RIMS2: variants seen among roughly 807,000 people sequenced by gnomAD.
RIMS2 encodes regulating synaptic membrane exocytosis 2.
Under a neutral mutation model 174.4 loss-of-function variants are expected in RIMS2, and 59 were observed. That is an observed-to-expected ratio of 0.34 (90% CI 0.27 to 0.42). The LOEUF is 0.42. RIMS2 is among the 10% of genes least tolerant of loss of function. RIMS2 has a pLI of 1.00. For synonymous variants in RIMS2, 606 were observed against 572.5 expected, an observed-to-expected ratio of 1.06 and a Z score of -0.84; for missense variants, 1,620 against 1,666.3, an observed-to-expected ratio of 0.97 and a Z score of 0.48.
At chr8:103,887,817 AG>A (rs1182540939) in intron 4 of RIMS2, among the ~76,000 whole-genome samples, 2 of 151,622 alleles carry the variant, frequency 1.3e-5, no homozygotes, top group Non-Finnish European at 3.0e-5. Context: ...ACAAGAAATG[AG>A]GGGCCCACAG....
Position 104,185,589 on chromosome 8 carries a change from T to C in RIMS2, c.3335-59327T>C, listed in dbSNP as rs575376532. On this transcript the variant is annotated intron_variant, in intron 19 of 23. Transcript: ENST00000504942. The stretch of plus-strand genomic sequence containing the variant: ...AGTGAGCAAAGGACATGAATACACA[T>C]TTTACAAAAGAAGACATACAAATGG... Among the ~76,000 whole-genome samples the C allele has an allele frequency of 3.3e-5, 5 of 151,724 alleles. No individual in the cohort carries two copies. The South Asian group carries it at 8.3e-4, about 25-fold the overall frequency.
At chr8:103,653,316 T>C (rs2096483787) in intron 1 of RIMS2, among the ~76,000 whole-genome samples, 1 of 152,220 alleles carries the variant, frequency 6.6e-6, no homozygotes, top group Non-Finnish European at 1.5e-5. Flanking sequence ...TTTTTGTTAT[T>C]AGATTTAAAA....
chr8:103,828,445 GT>G (rs2098805150), intron 3 of RIMS2, among the ~76,000 whole-genome samples: 1 of 152,100 alleles, frequency 6.6e-6, no homozygotes, highest in African/African-American at 2.4e-5. Context: ...GTTTTTGCTT[GT>G]TAATTTGTTT....
chr8:103,552,648 G>A (rs891726410), intron 1 of RIMS2, among the ~76,000 whole-genome samples: 9 of 151,452 alleles, frequency 5.9e-5, no homozygotes, highest in Admixed American at 2.0e-4. Flanking sequence ...ACACTACAGA[G>A]TGAACAGGCA....
In RIMS2 at chr8:103,728,748, C is replaced by CTTTTTTTTTTTT. The variant is rs71575982; in HGVS notation, c.387+31460_387+31471dup. Among the ~76,000 whole-genome samples the CTTTTTTTTTTTT allele has an allele frequency of 2.3e-3, 213 of 92,484 alleles. 1 individual carries two copies. Among genetic ancestry groups the CTTTTTTTTTTTT allele is most frequent in the Middle Eastern group, 7.2e-3 (1 of 138 alleles). The allele number at this position is 92,484 out of a possible 152,430, so 60.7% of individuals were successfully genotyped here. The stretch of plus-strand genomic sequence containing the variant: ...TTTATTTTGTTGAGGTATGCTCCTT[C>CTTTTTTTTTTTT]TTTTTTTTTTTTTTTTTTTAGGATT... On this transcript the variant is annotated intron_variant, in intron 2 of 23. Transcript: ENST00000504942.
intron 3 of RIMS2, among the ~76,000 whole-genome samples, chr8:103,806,968 A>G (rs2098654306): frequency 6.6e-6 from 1 of 152,124 alleles, no homozygotes; most frequent in East Asian, 1.9e-4. Flanking sequence ...GTTATGTTTG[A>G]GATGCCCTTT....
intron 1 of RIMS2, among the ~76,000 whole-genome samples, chr8:103,650,632 C>A (rs763193664): frequency 6.6e-5 from 10 of 152,216 alleles, no homozygotes; most frequent in Non-Finnish European, 1.0e-4. Flanking sequence ...ACAGGGAGGT[C>A]TTGCCAAGTG....
At chr8:104,041,673 T>C (rs550149780) in intron 19 of RIMS2, among the ~76,000 whole-genome samples, 1 of 151,702 alleles carries the variant, frequency 6.6e-6, no homozygotes, top group South Asian at 2.1e-4. Context: ...CACACACATA[T>C]GTTTGGTTTC....
chr8:103,827,907 A>C (rs1273984199), intron 3 of RIMS2, among the ~76,000 whole-genome samples: 1 of 152,120 alleles, frequency 6.6e-6, no homozygotes, highest in Non-Finnish European at 1.5e-5. Context: ...TCTCAAAAAA[A>C]AAAAGGTGTG....
At chr8:104,230,831 A>G (rs2099223391) in intron 19 of RIMS2, among the ~76,000 whole-genome samples, 1 of 152,212 alleles carries the variant, frequency 6.6e-6, no homozygotes, top group African/African-American at 2.4e-5. Flanking sequence ...ATGAATAGTC[A>G]GTTCTAGCTA....
chr8:103,534,309 A>G (rs935761351), intron 1 of RIMS2, among the ~76,000 whole-genome samples: 1 of 152,222 alleles, frequency 6.6e-6, no homozygotes, highest in African/African-American at 2.4e-5. Flanking sequence ...TTCAGTTGAT[A>G]TATTTTCCAA....
At chr8:104,199,754 T>C (rs989398336) in intron 19 of RIMS2, among the ~76,000 whole-genome samples, 1 of 152,086 alleles carries the variant, frequency 6.6e-6, no homozygotes, top group African/African-American at 2.4e-5. Flanking sequence ...CACAATAATG[T>C]CTTTAACAGG....
chr8:103,763,373 C>A (rs992509253), intron 2 of RIMS2, among the ~76,000 whole-genome samples: 2 of 151,112 alleles, frequency 1.3e-5, no homozygotes, highest in Admixed American at 1.3e-4. Context: ...GAGGTTGAGG[C>A]TACAGTGAAC....
At chr8:103,711,756 G>T (rs956788132) in intron 2 of RIMS2, among the ~76,000 whole-genome samples, 1 of 152,018 alleles carries the variant, frequency 6.6e-6, no homozygotes, top group African/African-American at 2.4e-5. Flanking sequence ...AATTAGCTAG[G>T]CGTGGTGGTG....
At chr8:103,876,596 C>A (rs572328483) in intron 3 of RIMS2, among the ~76,000 whole-genome samples, 127 of 151,006 alleles carry the variant, frequency 8.4e-4, no homozygotes, top group African/African-American at 2.9e-3. Flanking sequence ...TCCCTCACCC[C>A]CTTCCCACCC....
rs1223624619 is a variant in RIMS2, at chr8:103,526,816, GAGA to G, written c.176+25757_176+25759del. On this transcript the variant is annotated intron_variant, in intron 1 of 23. Transcript: ENST00000504942. ...ATGTATAGTTGGAGTTTCAGAAGGA[GAGA>G]AGGAGAGTGCAAGAGACCAAATATT... Among the ~76,000 whole-genome samples the G allele has an allele frequency of 3.9e-5, 6 of 152,144 alleles. No individual in the cohort carries two copies. In the East Asian group the frequency reaches 7.7e-4, roughly 20 times the overall value.
chr8:103,726,249 T>G (rs2097526409), intron 2 of RIMS2, among the ~76,000 whole-genome samples: 2 of 152,208 alleles, frequency 1.3e-5, no homozygotes, highest in Non-Finnish European at 2.9e-5. Flanking sequence ...TATTTTCAGC[T>G]TAATGTTGGT....
intron 1 of RIMS2, among the ~76,000 whole-genome samples, chr8:103,515,683 A>T (rs1457542718): frequency 6.6e-6 from 1 of 152,114 alleles, no homozygotes; most frequent in African/African-American, 2.4e-5. Flanking sequence ...GAAATAAAAT[A>T]TTACTTGAAT....
intron 19 of RIMS2, among the ~76,000 whole-genome samples, chr8:104,071,744 G>C (rs1348316186): frequency 1.3e-5 from 2 of 152,130 alleles, no homozygotes; most frequent in Non-Finnish European, 2.9e-5. Context: ...CCGGGTCCCT[G>C]TGTTTTAACA....
Sources: allele counts gnomAD v4.1 joint callset (sites outside exome capture counted in the v4.1 genomes callset), GRCh38; gene constraint gnomAD v4.1.1; transcripts MANE v1.5; gene names NCBI Gene and HGNC (gene_info 2026-07-23, HGNC 2026-07-21).